Variants in TLN2 observed in about 807,000 individuals in gnomAD.
TLN2 encodes talin 2, also known as talin-2.
TLN2 carries 118 observed loss-of-function variants against 294.7 expected under a neutral mutation model. That is an observed-to-expected ratio of 0.40 (90% CI 0.34 to 0.47). TLN2 has a LOEUF of 0.47. Ranked by LOEUF, TLN2 falls within the 20% of genes least tolerant of loss-of-function variation. The pLI, the probability that TLN2 is intolerant of heterozygous loss-of-function variation, is 0.84. For synonymous variants in TLN2, 1,431 were observed against 1,304.5 expected (o/e 1.10, Z -2.09); for missense variants, 3,083 against 3,282.2 (o/e 0.94, Z 1.48).
intron 28 of TLN2, among the ~76,000 whole-genome samples, chr15:62,728,267 A>G (rs1233394480): frequency 6.6e-6 from 1 of 152,200 alleles, no homozygotes; most frequent in East Asian, 1.9e-4. Flanking sequence ...GCTTTTTCTC[A>G]GCACTATGTT....
intron 12 of TLN2, among the ~76,000 whole-genome samples, chr15:62,689,828 A>C (rs1393292049): frequency 1.2e-5 from 1 of 82,406 alleles, no homozygotes; most frequent in Non-Finnish European, 2.8e-5. Context: ...TAGTTTTCAA[A>C]ATTCTTGGTA....
chr15:62,730,867 C>T (rs1319446292), intron 28 of TLN2, among the ~76,000 whole-genome samples: 1 of 152,082 alleles, frequency 6.6e-6, no homozygotes, highest in Non-Finnish European at 1.5e-5. Flanking sequence ...TGTCCTGGGC[C>T]AGTTTTCAAA....
intron 1 of TLN2, among the ~76,000 whole-genome samples, chr15:62,400,935 C>A (rs1404954079): frequency 6.6e-6 from 1 of 151,132 alleles, no homozygotes; most frequent in African/African-American, 2.4e-5. Context: ...CCTGCCTTAG[C>A]CACCCAAGTA....
intron 2 of TLN2, among the ~76,000 whole-genome samples, chr15:62,597,162 C>G (rs903403713): frequency 1.3e-5 from 2 of 152,138 alleles, no homozygotes; most frequent in African/African-American, 4.8e-5. Flanking sequence ...CCTAGATACA[C>G]TATTTGTTGT....
At chr15:62,571,195 C>A (rs1008139337) in intron 1 of TLN2, among the ~76,000 whole-genome samples, 29 of 152,172 alleles carry the variant, frequency 1.9e-4, no homozygotes, top group African/African-American at 6.8e-4. Context: ...GGAGATGAGC[C>A]TGACACTTGG....
intron 1 of TLN2, among the ~76,000 whole-genome samples, chr15:62,526,052 T>G (rs1200836278): frequency 1.3e-5 from 2 of 151,932 alleles, no homozygotes; most frequent in Admixed American, 6.6e-5. Context: ...TCATGTAGAT[T>G]ATATATTTAT....
intron 23 of TLN2, 104 bp from the exon 24 acceptor site, chr15:62,717,472 T>G (rs2140906649): frequency 1.4e-6 from 1 of 696,264 alleles, no homozygotes; most frequent in Non-Finnish European, 2.1e-6. Context: ...TTTGGAGTTC[T>G]TTTAGAGCCA....
intron 3 of TLN2, among the ~76,000 whole-genome samples, chr15:62,626,259 C>T (rs2049275448): frequency 6.6e-6 from 1 of 152,048 alleles, no homozygotes; most frequent in South Asian, 2.1e-4. Context: ...GTTCTCTGTG[C>T]TTAGGAAAAT....
intron 1 of TLN2, among the ~76,000 whole-genome samples, chr15:62,438,801 G>T (rs575267687): frequency 4.3e-4 from 65 of 152,304 alleles, no homozygotes; most frequent in South Asian, 1.0e-3. Context: ...ATGCTCAGGT[G>T]ATCCCAAGGA....
chr15:62,457,936 T>C (rs561073656), intron 1 of TLN2, among the ~76,000 whole-genome samples: 3 of 152,196 alleles, frequency 2.0e-5, no homozygotes, highest in Non-Finnish European at 4.4e-5. Context: ...CTTGTATAAT[T>C]AGCCATGTTT....
At chr15:62,798,405 G>A (rs2065677384) in intron 48 of TLN2, among the ~76,000 whole-genome samples, 1 of 152,074 alleles carries the variant, frequency 6.6e-6, no homozygotes, top group South Asian at 2.1e-4. Context: ...TTTGAAACCT[G>A]CACATGCGGC....
intron 1 of TLN2, among the ~76,000 whole-genome samples, chr15:62,568,027 G>C (rs1429937801): frequency 6.6e-6 from 1 of 152,152 alleles, no homozygotes; most frequent in Non-Finnish European, 1.5e-5. Flanking sequence ...CCCCTACTGA[G>C]TTGAGTTCTC....
chr15:62,430,264 G>C (rs1415952669), intron 1 of TLN2, among the ~76,000 whole-genome samples: 1 of 152,180 alleles, frequency 6.6e-6, no homozygotes, highest in Non-Finnish European at 1.5e-5. Flanking sequence ...TTAAACAACT[G>C]TTTTGTGTCT....
intron 2 of TLN2, among the ~76,000 whole-genome samples, chr15:62,609,690 C>G (rs543753968): frequency 4.1e-4 from 63 of 152,290 alleles, no homozygotes; most frequent in African/African-American, 1.5e-3. Context: ...TAGATGTGTC[C>G]TGTTACCGAT....
intron 3 of TLN2, among the ~76,000 whole-genome samples, 187 bp from the exon 4 acceptor site, chr15:62,647,088 C>A (rs1175790859): frequency 6.6e-6 from 1 of 152,120 alleles, no homozygotes; most frequent in Admixed American, 6.5e-5. Context: ...CTGTTGTTGT[C>A]CTCCTTTAAA....
intron 1 of TLN2, among the ~76,000 whole-genome samples, chr15:62,496,069 G>A (rs1287710805): frequency 6.6e-6 from 1 of 152,224 alleles, no homozygotes; most frequent in Non-Finnish European, 1.5e-5. Context: ...CAATTGTAGT[G>A]GATGGAAAGG....
intron 1 of TLN2, among the ~76,000 whole-genome samples, chr15:62,523,861 A>C (rs956603333): frequency 1.3e-5 from 2 of 152,258 alleles, no homozygotes; most frequent in African/African-American, 4.8e-5. Context: ...ACTAAATTGC[A>C]CAGTGCTGTA....
At chr15:62,590,953 G>GA (rs910659581) in intron 2 of TLN2, among the ~76,000 whole-genome samples, 2 of 147,390 alleles carry the variant, frequency 1.4e-5, no homozygotes, top group Non-Finnish European at 3.0e-5. Flanking sequence ...TGTGGAATAG[G>GA]AAAAAAAAAG....
intron 1 of TLN2, among the ~76,000 whole-genome samples, chr15:62,487,783 G>T (rs981366986): frequency 3.8e-4 from 58 of 152,070 alleles, no homozygotes; most frequent in African/African-American, 1.3e-3. Context: ...GGCGCCTGTA[G>T]TCCCAGCTAC....
Sources: allele counts gnomAD v4.1 joint callset (sites outside exome capture counted in the v4.1 genomes callset), GRCh38; gene constraint gnomAD v4.1.1; transcripts MANE v1.5; gene names NCBI Gene and HGNC (gene_info 2026-07-23, HGNC 2026-07-21).